The following UNC13A variants were observed in gnomAD, a reference collection of about 807,000 sequenced individuals.
UNC13A encodes unc-13 homolog A, also known as protein unc-13 homolog A.
UNC13A carries 61 observed loss-of-function variants against 219.7 expected under a neutral mutation model. That is an observed-to-expected ratio of 0.28 (90% CI 0.23 to 0.34). The LOEUF is 0.34. Ranked by LOEUF, UNC13A falls within the 10% of genes least tolerant of loss-of-function variation. The pLI is 1.00. For synonymous variants in UNC13A, 920 were observed against 884.6 expected (o/e 1.04, Z -0.71); for missense variants, 1,476 against 2,270.3 (o/e 0.65, Z 7.11).
chr19:17,679,256 C>T lies in UNC13A; in HGVS notation c.23-3215G>A, dbSNP rs190970444. ...CTCTATTAAAAATACAAAAATTAGC[C>T]GGGCATGATGGTGCACGCCTGTAGT... On this transcript the variant is annotated intron_variant, in intron 1 of 43. Transcript: ENST00000519716. 2.5e-3 allele frequency among the ~76,000 whole-genome samples: 378 copies of T among 151,862 alleles called. 1 individual carries two copies. Among genetic ancestry groups the T allele is most frequent in the African/African-American group, 8.4e-3 (349 of 41,414 alleles).
chr19:17,684,229 T>A (rs2080069157), intron 1 of UNC13A, among the ~76,000 whole-genome samples: 1 of 152,178 alleles, frequency 6.6e-6, no homozygotes. Flanking sequence ...ACCATCTCCC[T>A]CCTGCTCATC....
chr19:17,653,843 T>A (rs2079398967), intron 11 of UNC13A, among the ~76,000 whole-genome samples: 1 of 122,332 alleles, frequency 8.2e-6, no homozygotes, highest in South Asian at 2.6e-4. Flanking sequence ...TTTTTTTTTT[T>A]TGAAATGGAG....
intron 26 of UNC13A, 105 bp from the exon 27 acceptor site, chr19:17,633,298 G>C: frequency 1.8e-6 from 2 of 1,128,250 alleles, no homozygotes; most frequent in Non-Finnish European, 2.6e-6. Flanking sequence ...AGGGTAGAGG[G>C]ATTTGGGTTC....
intron 26 of UNC13A, among the ~76,000 whole-genome samples, chr19:17,634,917 G>A (rs993638123): frequency 6.6e-5 from 10 of 151,922 alleles, no homozygotes; most frequent in Non-Finnish European, 1.3e-4. Flanking sequence ...TGTTGCCCAG[G>A]CTGGAGTGCA....
rs2076682683 is a variant in UNC13A, at chr19:17,617,711, A to T, written c.4549T>A (p.Ser1517Thr). 6.2e-7 allele frequency: 1 copy of T among 1,613,716 alleles called. No individual in the cohort carries two copies. Among genetic ancestry groups the T allele is most frequent in the South Asian group, 1.1e-5 (1 of 91,088 alleles). Residue 1517 changes from serine to threonine, a missense_variant, in exon 41 of 44, where the codon TCG becomes ACG. Physicochemically the swap from Ser to Thr is moderately conservative, Grantham distance 58. Coordinates refer to ENST00000519716, the MANE Select transcript of UNC13A (RefSeq NM_001080421.3). The stretch of plus-strand genomic sequence containing the variant: ...GTCTGGGTACCCTTACCCTGGGCCG[A>T]TTGCGTCTGTACAAAGGTCTTGATT... ...LLIKTFVQTQ[S>T]AQGLGVEDPV...
Position 17,656,264 on chromosome 19 carries a change from T to C in UNC13A, c.902A>G (p.Tyr301Cys). The C allele has an allele frequency of 1.9e-6, 3 of 1,551,720 alleles. No homozygotes were observed. Among genetic ancestry groups the C allele is most frequent in the Non-Finnish European group, 2.6e-6 (3 of 1,147,076 alleles). Residue 301 changes from tyrosine to cysteine, a missense_variant, in exon 10 of 44, where the codon TAC (tyrosine) becomes TGC (cysteine). This residue lies in a region of UNC13A where 351 missense variants were observed against 342.6 expected (regional missense o/e 1.02). Coordinates refer to ENST00000519716, the MANE Select transcript of UNC13A (RefSeq NM_001080421.3). ...DMEDERDRDS[Y>C]HSCHSSVSYH... Reference sequence around the variant, plus strand: ...GCTGACCGAGCTGTGGCAGGAGTGGTAGGAGTCCCGGTCCCGCTCATCCTC... The same window carrying C: ...GCTGACCGAGCTGTGGCAGGAGTGGCAGGAGTCCCGGTCCCGCTCATCCTC...
At chr19:17,633,971 A>G (rs1162529815) in intron 26 of UNC13A, among the ~76,000 whole-genome samples, 1 of 147,554 alleles carries the variant, frequency 6.8e-6, no homozygotes, top group Non-Finnish European at 1.5e-5. Flanking sequence ...CCATCTATCT[A>G]TTCATCTATC....
In UNC13A at chr19:17,642,932, C is replaced by T. The variant is rs747519476; in HGVS notation, c.2385G>A (p.Ser795=). Reference sequence around the variant, plus strand: ...CACTGATGTGGAGCCGGATGGCACCCGACACGGCAGATTTGTCAGTTCGCT... The same window carrying T: ...CACTGATGTGGAGCCGGATGGCACCTGACACGGCAGATTTGTCAGTTCGCT... The part of the protein sequence containing the change: ...LDKRTDKSAV[S]GAIRLHISVE... The change falls in exon 20 of 44, where the codon TCG becomes TCA. Residue 795 remains serine, a synonymous_variant. Coordinates refer to ENST00000519716, the MANE Select transcript of UNC13A (RefSeq NM_001080421.3). 1.7e-5 allele frequency: 27 copies of T among 1,608,802 alleles called. No individual in the cohort carries two copies. In the East Asian group the frequency reaches 2.2e-4, roughly 13 times the overall value.
chr19:17,630,032 A>G, intron 30 of UNC13A, 113 bp downstream of exon 30: 1 of 1,234,836 alleles, frequency 8.1e-7, no homozygotes, highest in Admixed American at 2.5e-5. Flanking sequence ...CCCAACCTCA[A>G]TGACATCACC....
intron 41 of UNC13A, among the ~76,000 whole-genome samples, chr19:17,612,892 C>T (rs778606978): frequency 2.0e-5 from 3 of 151,518 alleles, no homozygotes; most frequent in East Asian, 2.0e-4. Flanking sequence ...AGATCATGTC[C>T]CTCCTCTGCT....
chr19:17,612,048 C>A, intron 41 of UNC13A, 193 bp from the exon 42 acceptor site: 2 of 526,608 alleles, frequency 3.8e-6, no homozygotes, highest in Admixed American at 6.4e-5. Context: ...CCTTTTACTG[C>A]CTTGCTGTGT....
At position 17,674,778 on chromosome 19, in the gene UNC13A, T is replaced by A. The variant is rs764032691; in HGVS notation, c.53-22A>T. The A allele has an allele frequency of 3.1e-6, 5 of 1,600,998 alleles. No homozygotes were observed. Among genetic ancestry groups the A allele is most frequent in the Non-Finnish European group, 3.4e-6 (4 of 1,168,500 alleles). ...TTCTCTGTGGCAGTGAGAGTAGGGG[T>A]CAGCGCTGGGGCTCAGGGACTCTCC... On this transcript the variant is annotated intron_variant, in intron 2 of 43. Coordinates refer to ENST00000519716, the MANE Select transcript of UNC13A (RefSeq NM_001080421.3). This position sits in a 1 kb window ranked among gnomAD's most constrained non-coding sequence, Gnocchi z 5.0.
chr19:17,645,863 C>T lies in UNC13A; in HGVS notation c.2187-20G>A. ...CATTCACTGTGGCGGGAGGAGGAGG[C>T]AGAGGCAGGGGTCAGGCAGCCAGTG... On this transcript the variant is annotated intron_variant, in intron 18 of 43. Transcript: ENST00000519716. 1 of 1,595,290 alleles carries T rather than the reference C, an allele frequency of 6.3e-7. No homozygotes were observed. The highest frequency in any genetic ancestry group is 1.1e-5 in the South Asian group (1 of 88,758).
At chr19:17,658,497 T>C (rs1354682567) in intron 8 of UNC13A, among the ~76,000 whole-genome samples, 1 of 152,196 alleles carries the variant, frequency 6.6e-6, no homozygotes, top group Non-Finnish European at 1.5e-5. Flanking sequence ...GTCTAGGGGC[T>C]AGGGTAGGAC....
chr19:17,655,726 T>A (rs1421629563), intron 10 of UNC13A, among the ~76,000 whole-genome samples, 157 bp downstream of exon 10: 1 of 152,068 alleles, frequency 6.6e-6, no homozygotes, highest in East Asian at 1.9e-4. Context: ...TTGACCTCCC[T>A]ACTCTGCCCT....
intron 34 of UNC13A, among the ~76,000 whole-genome samples, chr19:17,626,037 C>T (rs1449659736): frequency 2.6e-5 from 4 of 151,986 alleles, no homozygotes; most frequent in Admixed American, 2.6e-4. Context: ...ACCTATCTAT[C>T]CATCCATCTA....
In UNC13A at chr19:17,685,772, C is replaced by T. The variant is rs553556023; in HGVS notation, c.22+2406G>A. On this transcript the variant is annotated intron_variant, in intron 1 of 43. Transcript: ENST00000519716. ...CATTTGTGTCCACACAGGAACAAGT[C>T]TGGGTATGAATGTGTGTAGGGATTG... Among the ~76,000 whole-genome samples the T allele has an allele frequency of 5.7e-4, 87 of 152,304 alleles. 2 individuals are homozygous for T. The South Asian group carries it at 0.018, about 32-fold the overall frequency.
At chr19:17,609,393 C>A (rs564667049) in intron 43 of UNC13A, among the ~76,000 whole-genome samples, 3 of 152,116 alleles carry the variant, frequency 2.0e-5, no homozygotes, top group East Asian at 3.9e-4. Context: ...CTCCACCCCA[C>A]GTGACACCCA....
intron 30 of UNC13A, among the ~76,000 whole-genome samples, chr19:17,629,934 TC>T: frequency 6.7e-5 from 10 of 149,146 alleles, no homozygotes; most frequent in African/African-American, 2.5e-4. Flanking sequence ...AACTCCAACC[TC>T]CATTCAAACC....
Sources: gnomAD v4.1 joint callset for allele counts (sites outside exome capture counted in the v4.1 genomes callset) on GRCh38, gnomAD v4.1.1 for gene constraint, gnomAD v4.1.1 regional missense constraint, Gnocchi (gnomAD v3.1) non-coding constraint, MANE v1.5 for transcripts, NCBI Gene and HGNC (gene_info 2026-07-23, HGNC 2026-07-21) for gene names.